The following SIPA1L1 variants were observed in gnomAD, a reference collection of about 807,000 sequenced individuals.
The protein encoded by SIPA1L1 is signal induced proliferation associated 1 like 1.
A neutral mutation model predicts 162.7 loss-of-function variants in SIPA1L1; 26 were observed. The observed-to-expected ratio is 0.16, with a 90% CI of 0.12 to 0.22. The LOEUF (loss-of-function observed/expected upper bound fraction) is 0.22, where lower values mean the gene tolerates loss of function less well. Ranked by LOEUF, SIPA1L1 falls within the 10% of genes least tolerant of loss-of-function variation. The pLI is 1.00. For missense variants in SIPA1L1, 1,874 were observed against 2,241.0 expected, an observed-to-expected ratio of 0.84 and a Z score of 3.31; for synonymous variants, 829 against 837.4, an observed-to-expected ratio of 0.99 and a Z score of 0.17.
intron 2 of SIPA1L1, among the ~76,000 whole-genome samples, chr14:71,326,564 A>G (rs1224732743): frequency 6.6e-6 from 1 of 152,104 alleles, no homozygotes. Context: ...CTATTGAGAA[A>G]GAAAAGCAAA....
intron 2 of SIPA1L1, among the ~76,000 whole-genome samples, chr14:71,328,685 A>G (rs1027663235): frequency 1.3e-5 from 2 of 152,228 alleles, no homozygotes; most frequent in Non-Finnish European, 2.9e-5. Flanking sequence ...ATGACTGCCA[A>G]CAGTTTAAAG....
intron 2 of SIPA1L1, among the ~76,000 whole-genome samples, chr14:71,340,309 G>T (rs1300683719): frequency 1.3e-5 from 2 of 151,444 alleles, no homozygotes; most frequent in African/African-American, 2.4e-5. Flanking sequence ...CCATTTGGTG[G>T]TTTCTTTTTC....
chr14:71,494,961 G>A (rs978312945), intron 2 of SIPA1L1, among the ~76,000 whole-genome samples: 4 of 152,096 alleles, frequency 2.6e-5, no homozygotes, highest in Non-Finnish European at 5.9e-5. Flanking sequence ...GAACTCTCGG[G>A]CTCAGTTGAT....
chr14:71,386,491 T>G (rs754606898), intron 2 of SIPA1L1, among the ~76,000 whole-genome samples: 3 of 152,202 alleles, frequency 2.0e-5, no homozygotes, highest in Non-Finnish European at 2.9e-5. Flanking sequence ...AACAATACTT[T>G]GCATCCTTCA....
chr14:71,474,141 A>G (rs2047674585), intron 2 of SIPA1L1, among the ~76,000 whole-genome samples: 2 of 152,234 alleles, frequency 1.3e-5, no homozygotes, highest in South Asian at 4.1e-4. Flanking sequence ...GCTTATAAAG[A>G]TTCCTACAGA....
chr14:71,401,031 G>T (rs1488257996), intron 2 of SIPA1L1: 1 of 152,186 alleles, frequency 6.6e-6, no homozygotes, highest in Non-Finnish European at 1.5e-5. Flanking sequence ...CTTCCAAAGA[G>T]GTTTAGTGAG....
In SIPA1L1 at chr14:71,335,306, G is replaced by GA. The variant is rs923679144; in HGVS notation, c.-465+14134dup. 1.8e-4 allele frequency among the ~76,000 whole-genome samples: 27 copies of GA among 150,974 alleles called. 1 individual carries two copies. The South Asian group carries it at 2.1e-3, about 12-fold the overall frequency. ...GACAGAGTGAGACTGTGTCTCAAAAGAAAAAAAAATGTCTTTAGCCAACAG... is the reference window on the plus strand; with the variant it reads ...GACAGAGTGAGACTGTGTCTCAAAAGAAAAAAAAAATGTCTTTAGCCAACAG... On this transcript the variant is annotated intron_variant, in intron 2 of 23. Transcript: ENST00000381232.
At chr14:71,544,574 C>T (rs968394720) in intron 4 of SIPA1L1, among the ~76,000 whole-genome samples, 3 of 151,928 alleles carry the variant, frequency 2.0e-5, no homozygotes, top group South Asian at 2.1e-4. Flanking sequence ...ATGTTTACTC[C>T]GAGAAGCTTT....
chr14:71,449,081 C>G (rs935757773), intron 2 of SIPA1L1: 2 of 152,200 alleles, frequency 1.3e-5, no homozygotes, highest in African/African-American at 4.8e-5. Context: ...GGTGTTTGCT[C>G]TTTGAGTCAG....
chr14:71,720,800 T>C (rs1320197823), intron 17 of SIPA1L1, among the ~76,000 whole-genome samples: 1 of 152,102 alleles, frequency 6.6e-6, no homozygotes, highest in Non-Finnish European at 1.5e-5. Context: ...TAAATTACTA[T>C]TTCAATCTCT....
intron 2 of SIPA1L1, among the ~76,000 whole-genome samples, chr14:71,462,788 C>T (rs1052401405): frequency 1.3e-5 from 2 of 152,160 alleles, no homozygotes; most frequent in African/African-American, 2.4e-5. Flanking sequence ...GAAAAGTGAT[C>T]AAGGTCTCTC....
Position 71,377,145 on chromosome 14 carries a change from G to A in SIPA1L1, c.-465+55964G>A, listed in dbSNP as rs10139917. On this transcript the variant is annotated intron_variant, in intron 2 of 23. Transcript: ENST00000381232. The surrounding 1 kb of genome is among the most constrained non-coding windows in gnomAD (Gnocchi z 4.8). ...GGCCCCCCCACCCCCCAGATGGGGC[G>A]GCCAGGCAGAGGCAGCCCCCACCTC... is the stretch of plus-strand genomic sequence containing the variant. Among the ~76,000 whole-genome samples the A allele has an allele frequency of 7.5e-3, 1,130 of 150,942 alleles. 16 individuals carry two copies. The highest frequency in any genetic ancestry group is 0.026 in the African/African-American group (1,061 of 40,934).
chr14:71,367,303 C>CTTT (rs148859626), intron 2 of SIPA1L1, among the ~76,000 whole-genome samples: 2 of 130,238 alleles, frequency 1.5e-5, no homozygotes, highest in Non-Finnish European at 3.3e-5. Flanking sequence ...ACATTCATTG[C>CTTT]TTTTTTTTTT....
At chr14:71,439,196 T>C (rs747594709) in intron 2 of SIPA1L1, among the ~76,000 whole-genome samples, 4 of 152,150 alleles carry the variant, frequency 2.6e-5, no homozygotes, top group Admixed American at 6.6e-5. Context: ...TCAGGCTTCA[T>C]TGAACTCAAA....
At chr14:71,666,560 A>G (rs1325093781) in intron 10 of SIPA1L1, among the ~76,000 whole-genome samples, 2 of 152,220 alleles carry the variant, frequency 1.3e-5, no homozygotes, top group Admixed American at 6.5e-5. Context: ...AGTAGTCATA[A>G]CAAGGACCCT....
At chr14:71,680,639 A>C (rs1040916043) in intron 12 of SIPA1L1, among the ~76,000 whole-genome samples, 1 of 152,178 alleles carries the variant, frequency 6.6e-6, no homozygotes, top group African/African-American at 2.4e-5. Context: ...AATGAATCCA[A>C]GAGCTGGTTT....
intron 5 of SIPA1L1, among the ~76,000 whole-genome samples, chr14:71,609,185 C>T (rs149909091): frequency 1.4e-3 from 209 of 152,144 alleles, no homozygotes; most frequent in Non-Finnish European, 2.5e-3. Flanking sequence ...CTTACATTAG[C>T]TGGTCTTAAT....
rs944438733 is a variant in SIPA1L1 at position 71,559,826 on chromosome 14, T to A, written c.-302-27745T>A. The stretch of plus-strand genomic sequence containing the variant: ...TTTATTCCCATTCAAAGTAGAATTA[T>A]ATAAACTTTTTTTTTTTTGTATAAA... On this transcript the variant is annotated intron_variant, in intron 4 of 23. Coordinates refer to ENST00000381232, the MANE Select transcript of SIPA1L1 (RefSeq NM_001386936.1). Among the ~76,000 whole-genome samples, 110 of 65,606 alleles carry A rather than the reference T, an allele frequency of 1.7e-3. 5 individuals are homozygous for A. Among genetic ancestry groups the A allele is most frequent in the Non-Finnish European group, 5.2e-5 (2 of 38,516 alleles). The allele number at this position is 65,606 out of a possible 152,430, so 43.0% of individuals were successfully genotyped here.
chr14:71,601,444 C>A (rs2036737010), intron 5 of SIPA1L1, among the ~76,000 whole-genome samples: 1 of 152,088 alleles, frequency 6.6e-6, no homozygotes, highest in South Asian at 2.1e-4. Flanking sequence ...ATAAATCCCA[C>A]TTGGTTATGG....
Sources: gnomAD v4.1 joint callset for allele counts (sites outside exome capture counted in the v4.1 genomes callset) on GRCh38, gnomAD v4.1.1 for gene constraint, Gnocchi (gnomAD v3.1) non-coding constraint, MANE v1.5 for transcripts, NCBI Gene and HGNC (gene_info 2026-07-23, HGNC 2026-07-21) for gene names.